NSA2: variants seen among roughly 807,000 people sequenced by gnomAD.
The protein encoded by NSA2 is ribosome biogenesis protein NSA2 homolog.
A neutral mutation model predicts 34.8 loss-of-function variants in NSA2; 18 were observed. That is an observed-to-expected ratio of 0.52 (90% CI 0.36 to 0.77). NSA2 has a LOEUF of 0.77. Among genes scored for constraint, NSA2 ranks in the 30% least tolerant of loss-of-function variants. NSA2 has a pLI of 0.00. For missense variants in NSA2, 188 were observed against 314.7 expected, an observed-to-expected ratio of 0.60 and a Z score of 3.05; for synonymous variants, 79 against 100.2, an observed-to-expected ratio of 0.79 and a Z score of 1.26.
At chr5:74,770,295 T>C (rs1744873066) in intron 3 of NSA2, among the ~76,000 whole-genome samples, 1 of 146,386 alleles carries the variant, frequency 6.8e-6, no homozygotes, top group South Asian at 2.2e-4. Context: ...ATTGTACCAC[T>C]GCACTCCAGC....
rs1454896435 is a variant in NSA2 at position 74,767,270 on chromosome 5, C to T, written c.-91C>T. Reference sequence around the variant, plus strand: ...GGTGACTCTTTCCTGTCCCGGCCTGCGTGGTGTGGGCTTGTGGGTCTTTGA... The same window carrying T: ...GGTGACTCTTTCCTGTCCCGGCCTGTGTGGTGTGGGCTTGTGGGTCTTTGA... On this transcript the variant is annotated 5_prime_UTR_variant, in exon 1 of 6. Transcript: ENST00000610426. 16 of 1,498,722 alleles carry T rather than the reference C, an allele frequency of 1.1e-5. No homozygotes were observed. The highest frequency in any genetic ancestry group is 1.4e-5 in the Non-Finnish European group (15 of 1,078,542). The allele number at this position is 1,498,722 out of a possible 1,614,324, so 92.8% of individuals were successfully genotyped here. A position where few individuals can be genotyped will look rare whatever the true frequency, so the allele number is the denominator to read the frequency against.
chr5:74,773,804 A>G, intron 4 of NSA2, 64 bp from the exon 5 acceptor site: 1 of 1,295,092 alleles, frequency 7.7e-7, no homozygotes. Context: ...AGCGAAAACG[A>G]CCACTACTCA....
At chr5:74,776,366 C>T (rs1334375549) in intron 5 of NSA2, among the ~76,000 whole-genome samples, 1 of 152,098 alleles carries the variant, frequency 6.6e-6, no homozygotes, top group Non-Finnish European at 1.5e-5. Context: ...ATTAGCCAGG[C>T]AGTGGCGTGT....
At chr5:74,771,275 C>T (rs1744917284) in intron 4 of NSA2, among the ~76,000 whole-genome samples, 1 of 148,784 alleles carries the variant, frequency 6.7e-6, no homozygotes, top group Non-Finnish European at 1.5e-5. Flanking sequence ...AGCAAAAATC[C>T]GTCTCAAAAA....
At chr5:74,769,653 A>G (rs1230184903) in intron 3 of NSA2, 1 of 229,788 alleles carries the variant, frequency 4.4e-6, no homozygotes, top group Non-Finnish European at 8.3e-6. Context: ...CCACAGTGCT[A>G]TGCAGTCATA....
At chr5:74,768,890 T>A in intron 1 of NSA2, 41 bp from the exon 2 acceptor site, 1 of 1,379,088 alleles carries the variant, frequency 7.3e-7, no homozygotes, top group Non-Finnish European at 9.8e-7. Context: ...TAATTGTCAG[T>A]ACTTTAAAAA....
intron 5 of NSA2, among the ~76,000 whole-genome samples, chr5:74,774,354 C>T (rs2112423488): frequency 6.6e-6 from 1 of 152,320 alleles, no homozygotes; most frequent in Middle Eastern, 3.4e-3. Context: ...TAAATCCCAG[C>T]ACTTTGGGAG....
intron 4 of NSA2, among the ~76,000 whole-genome samples, chr5:74,772,290 A>G (rs1192699528): frequency 6.6e-6 from 1 of 151,820 alleles, no homozygotes; most frequent in Non-Finnish European, 1.5e-5. Context: ...ACGCCCGGCT[A>G]ATTTTTTTGT....
At chr5:74,773,393 G>C (rs1561277147) in intron 4 of NSA2, among the ~76,000 whole-genome samples, 1 of 151,368 alleles carries the variant, frequency 6.6e-6, no homozygotes, top group Non-Finnish European at 1.5e-5. Context: ...AGCACTTTGG[G>C]AGGCTGAGGT....
At chr5:74,773,683 C>T (rs1745019542) in intron 4 of NSA2, among the ~76,000 whole-genome samples, 185 bp from the exon 5 acceptor site, 1 of 152,012 alleles carries the variant, frequency 6.6e-6, no homozygotes, top group African/African-American at 2.4e-5. Context: ...GTGTTTTCCC[C>T]ACATATTTAT....
At position 74,777,342 on chromosome 5, in the gene NSA2, T is replaced by C. The variant is rs1209506883; in HGVS notation, c.*671T>C. The stretch of plus-strand genomic sequence containing the variant: ...TTAGCATTTTCTGTATTCTAAACAA[T>C]ATATTTATACTTTCAGAATAGTATT... On this transcript the variant is annotated 3_prime_UTR_variant, in exon 6 of 6. Transcript: ENST00000610426. 6.6e-6 allele frequency: 1 copy of C among 152,150 alleles called. No homozygotes were observed. Among genetic ancestry groups the C allele is most frequent in the African/African-American group, 2.4e-5 (1 of 41,462 alleles). The allele number at this position is 152,150 out of a possible 1,614,324, so 9.4% of individuals were successfully genotyped here. A position where few individuals can be genotyped will look rare whatever the true frequency, so the allele number is the denominator to read the frequency against.
rs1745229519 is a variant in NSA2, at chr5:74,778,410, T to C, written c.*1739T>C. ...AGATATTAGTACAGGCTCAATTTGA[T>C]GCAATCATAAACCTTCAAGATTTCT... On this transcript the variant is annotated 3_prime_UTR_variant, in exon 6 of 6. Transcript: ENST00000610426. 1 of 152,058 alleles carries C rather than the reference T, an allele frequency of 6.6e-6. No homozygotes were observed. The highest frequency in any genetic ancestry group is 1.5e-5 in the Non-Finnish European group (1 of 67,902). The allele number at this position is 152,058 out of a possible 1,614,324, so 9.4% of individuals were successfully genotyped here.
In NSA2 at chr5:74,769,314, C is replaced by G. The variant is rs1269126270; in HGVS notation, c.292C>G (p.Arg98Gly). Residue 98 changes from arginine to glycine, a missense_variant, in exon 3 of 6, where the codon CGA becomes GGA. Physicochemically the swap from Arg to Gly is moderately radical, Grantham distance 125 (BLOSUM62 -2). Coordinates refer to ENST00000610426, the MANE Select transcript of NSA2 (RefSeq NM_014886.6). ...AYLLDREGQS[R>G]AKVLSNMIKQ... ...TCTGCTGGACAGAGAGGGACAATCT[C>G]GAGCTAAAGTACTTTCCAATATGAT... 1 of 1,613,140 alleles carries G rather than the reference C, an allele frequency of 6.2e-7. No individual in the cohort carries two copies. Among genetic ancestry groups the G allele is most frequent in the Admixed American group, 1.7e-5 (1 of 59,826 alleles).
intron 1 of NSA2, 134 bp downstream of exon 1, chr5:74,767,497 C>A: frequency 9.4e-7 from 1 of 1,061,962 alleles, no homozygotes; most frequent in Non-Finnish European, 1.4e-6. Flanking sequence ...GGATGGTAGA[C>A]CCGTGGGGTG....
chr5:74,776,827 C>CTTTA lies in NSA2; in HGVS notation c.*160_*163dup. The CTTTA allele has an allele frequency of 2.1e-6, 1 of 485,300 alleles. No individual in the cohort carries two copies. Among genetic ancestry groups the CTTTA allele is most frequent in the Admixed American group, 3.8e-5 (1 of 26,020 alleles). The allele number at this position is 485,300 out of a possible 1,614,324, so 30.1% of individuals were successfully genotyped here. On this transcript the variant is annotated 3_prime_UTR_variant, in exon 6 of 6. Transcript: ENST00000610426. ...AAAGTGGTCCAGTTTTATAAATGGTCTTTATTTTGAAATACGCTTTGACCC... is the reference window on the plus strand; with the variant it reads ...AAAGTGGTCCAGTTTTATAAATGGTCTTTATTTATTTTGAAATACGCTTTGACCC...
Position 74,778,220 on chromosome 5 carries a change from AGAC to A in NSA2, c.*1553_*1555del, listed in dbSNP as rs892673762. The A allele has an allele frequency of 3.9e-5, 6 of 152,064 alleles. No homozygotes were observed. The highest frequency in any genetic ancestry group is 5.9e-5 in the Non-Finnish European group (4 of 67,896). The allele number at this position is 152,064 out of a possible 1,614,324, so 9.4% of individuals were successfully genotyped here. On this transcript the variant is annotated 3_prime_UTR_variant, in exon 6 of 6. Transcript: ENST00000610426. ...ATTTGTAACTAATCACACCCATGAA[AGAC>A]GACTAGATGACACCTGAAACATTTT... is the stretch of plus-strand genomic sequence containing the variant.
chr5:74,773,796 C>T (rs1407607449), intron 4 of NSA2, 72 bp from the exon 5 acceptor site: 32 of 1,211,470 alleles, frequency 2.6e-5, no homozygotes, highest in East Asian at 7.1e-5. Context: ...AAAAGATAAG[C>T]GAAAACGACC....
intron 4 of NSA2, 87 bp downstream of exon 4, chr5:74,770,897 T>A: frequency 9.7e-7 from 1 of 1,032,366 alleles, no homozygotes; most frequent in Non-Finnish European, 1.4e-6. Flanking sequence ...TGAAATTCTT[T>A]AAATTGATGT....
intron 3 of NSA2, among the ~76,000 whole-genome samples, chr5:74,770,388 A>G (rs1324135664): frequency 6.6e-6 from 1 of 151,836 alleles, no homozygotes; most frequent in Non-Finnish European, 1.5e-5. Context: ...CACCCATAAC[A>G]CAGCATTAAG....
Sources: gnomAD v4.1 joint callset for allele counts (sites outside exome capture counted in the v4.1 genomes callset) on GRCh38, gnomAD v4.1.1 for gene constraint, MANE v1.5 for transcripts, NCBI Gene and HGNC (gene_info 2026-07-23, HGNC 2026-07-21) for gene names.